CLHC1: variants seen among roughly 807,000 people sequenced by gnomAD.
CLHC1 encodes the protein clathrin heavy chain linker domain-containing protein 1.
Under a neutral mutation model 69.5 loss-of-function variants are expected in CLHC1, and 72 were observed. The ratio of observed to expected loss-of-function variants is 1.04; its 90% CI spans 0.86 to 1.26. The LOEUF is 1.26. CLHC1 is among the 50% of genes most tolerant of loss of function. The pLI, the probability that CLHC1 is intolerant of heterozygous loss-of-function variation, is 0.00. For missense variants in CLHC1, 790 were observed against 679.3 expected (o/e 1.16, Z -1.81); for synonymous variants, 223 against 224.3 (o/e 0.99, Z 0.05).
intron 9 of CLHC1, among the ~76,000 whole-genome samples, chr2:55,185,633 G>A (rs947864948): frequency 1.3e-5 from 2 of 152,120 alleles, no homozygotes; most frequent in African/African-American, 4.8e-5. Context: ...AATCAATTTT[G>A]TTGAATGAAG....
chr2:55,212,724 TTG>T lies in CLHC1; in HGVS notation c.446_447del (p.Thr149LysfsTer32). 6.3e-7 allele frequency: 1 copy of T among 1,597,776 alleles called. No homozygotes were observed. Among genetic ancestry groups the T allele is most frequent in the Non-Finnish European group, 8.6e-7 (1 of 1,165,216 alleles). ...GAGAAAGTACAATATTTTACTTCTT[TTG>T]TGTCATACTCTGCCCTACACTGCTT... The part of the protein sequence containing the change: ...HIKQCRAEYD[T>X]KEVKYCTFSK... On this transcript the variant is annotated frameshift_variant, in exon 5 of 13. Coordinates refer to ENST00000401408, the MANE Select transcript of CLHC1 (RefSeq NM_152385.4). LOFTEE classifies it high-confidence loss of function.
chr2:55,187,193 C>T (rs996185990), intron 9 of CLHC1, among the ~76,000 whole-genome samples: 4 of 151,944 alleles, frequency 2.6e-5, no homozygotes, highest in Middle Eastern at 6.8e-3. Flanking sequence ...GCAGGAGAAT[C>T]GCTTGAACCC....
Position 55,212,743 on chromosome 2 carries a change from A to G in CLHC1, c.429T>C (p.Cys143=), listed in dbSNP as rs1558500770. 1.3e-6 allele frequency: 2 copies of G among 1,596,134 alleles called. No homozygotes were observed. Among genetic ancestry groups the G allele is most frequent in the East Asian group, 4.5e-5 (2 of 44,744 alleles). The change falls in exon 5 of 13, where the codon TGT becomes TGC. Residue 143 remains cysteine (C), a synonymous_variant. Coordinates refer to ENST00000401408, the MANE Select transcript of CLHC1 (RefSeq NM_152385.4). ...CTTCTTTTGTGTCATACTCTGCCCTACACTGCTTGATGTGATCTATTTGAG... is the reference window on the plus strand; with the variant it reads ...CTTCTTTTGTGTCATACTCTGCCCTGCACTGCTTGATGTGATCTATTTGAG... The part of the protein sequence containing the change: ...IQSQIDHIKQ[C]RAEYDTKEVK...
At chr2:55,208,963 C>T (rs1296608284) in intron 7 of CLHC1, among the ~76,000 whole-genome samples, 18 of 149,738 alleles carry the variant, frequency 1.2e-4, no homozygotes, top group East Asian at 6.0e-4. Context: ...CTCCGCCTCC[C>T]GGGTTCACAC....
At position 55,210,990 on chromosome 2, in the gene CLHC1, A is replaced by T. The variant is rs377425804; in HGVS notation, c.500-1159T>A. Among the ~76,000 whole-genome samples the T allele has an allele frequency of 1.2e-3, 177 of 152,196 alleles. 2 individuals are homozygous for T. In the Middle Eastern group the frequency reaches 0.017, roughly 15 times the overall value. ...ATTACAGGCATGAGCCACTGTGCCCAGCCCTAAATAATCCTCCTTTCTCAT... is the reference window on the plus strand; with the variant it reads ...ATTACAGGCATGAGCCACTGTGCCCTGCCCTAAATAATCCTCCTTTCTCAT... On this transcript the variant is annotated intron_variant, in intron 5 of 12. Coordinates refer to ENST00000401408, the MANE Select transcript of CLHC1 (RefSeq NM_152385.4).
chr2:55,185,925 A>G (rs991626032), intron 9 of CLHC1, among the ~76,000 whole-genome samples: 1 of 152,224 alleles, frequency 6.6e-6, no homozygotes, highest in Non-Finnish European at 1.5e-5. Context: ...ACTAGGTTTT[A>G]TACAAACTTT....
At chr2:55,198,462 G>A (rs889207724) in intron 9 of CLHC1, among the ~76,000 whole-genome samples, 2 of 152,106 alleles carry the variant, frequency 1.3e-5, no homozygotes, top group Non-Finnish European at 2.9e-5. Context: ...TGGCACACCT[G>A]TAGTTTCAGC....
chr2:55,214,899 C>A (rs1186784895), intron 4 of CLHC1: 1 of 152,154 alleles, frequency 6.6e-6, no homozygotes, highest in East Asian at 1.9e-4. Context: ...TAATACATTA[C>A]CACATGGACG....
chr2:55,215,843 T>G (rs546918759), intron 4 of CLHC1: 2 of 152,224 alleles, frequency 1.3e-5, no homozygotes, highest in East Asian at 3.8e-4. Flanking sequence ...TTTGACTTTC[T>G]GATGCTTTTC....
chr2:55,213,904 C>A (rs1209795973), intron 4 of CLHC1, among the ~76,000 whole-genome samples: 1 of 151,976 alleles, frequency 6.6e-6, no homozygotes, highest in Non-Finnish European at 1.5e-5. Flanking sequence ...CAGTGGATGA[C>A]AAATTACTAA....
intron 9 of CLHC1, among the ~76,000 whole-genome samples, chr2:55,201,469 G>T (rs558440190): frequency 3.1e-4 from 47 of 152,214 alleles, no homozygotes; most frequent in Non-Finnish European, 5.9e-4. Flanking sequence ...ATTGAACCAT[G>T]AAGAAATCCA....
intron 9 of CLHC1, among the ~76,000 whole-genome samples, chr2:55,197,679 C>CA (rs1269013607): frequency 6.6e-5 from 10 of 152,098 alleles, no homozygotes; most frequent in African/African-American, 2.4e-4. Flanking sequence ...AAATTTAGAT[C>CA]ACAACACCCA....
intron 9 of CLHC1, among the ~76,000 whole-genome samples, chr2:55,187,719 A>C (rs1670552466): frequency 6.6e-6 from 1 of 152,132 alleles, no homozygotes; most frequent in African/African-American, 2.4e-5. Flanking sequence ...AAACGATGAT[A>C]TTTTCAGAGG....
chr2:55,217,731 C>T, intron 4 of CLHC1, 80 bp downstream of exon 4: 3 of 829,384 alleles, frequency 3.6e-6, no homozygotes, highest in African/African-American at 1.8e-5. Context: ...GACTAAGAAC[C>T]ACCAGCTAGA....
intron 9 of CLHC1, among the ~76,000 whole-genome samples, chr2:55,202,702 G>C (rs909979926): frequency 6.6e-6 from 1 of 151,930 alleles, no homozygotes; most frequent in African/African-American, 2.4e-5. Context: ...TTCAAGACCA[G>C]ACTGGCCAAC....
intron 2 of CLHC1, among the ~76,000 whole-genome samples, chr2:55,223,039 C>T (rs930561362): frequency 1.3e-5 from 2 of 151,918 alleles, no homozygotes; most frequent in Non-Finnish European, 2.9e-5. Flanking sequence ...ATGCACAACT[C>T]CTCTCACATG....
chr2:55,225,206 G>A (rs1348723183), intron 2 of CLHC1: 3 of 152,680 alleles, frequency 2.0e-5, no homozygotes, highest in Non-Finnish European at 4.4e-5. Flanking sequence ...GGTCCGTGTG[G>A]GGGAAGACGC....
intron 11 of CLHC1, among the ~76,000 whole-genome samples, chr2:55,178,565 C>G (rs1399730950): frequency 6.6e-6 from 1 of 152,150 alleles, no homozygotes; most frequent in Non-Finnish European, 1.5e-5. Context: ...TGATTGTGTA[C>G]TGTATCCTCA....
intron 9 of CLHC1, among the ~76,000 whole-genome samples, chr2:55,195,459 C>T (rs904071723): frequency 6.6e-6 from 1 of 152,184 alleles, no homozygotes; most frequent in African/African-American, 2.4e-5. Flanking sequence ...AGCAAGATGA[C>T]TGAATAGAAG....
Sources: gnomAD v4.1 joint callset for allele counts (sites outside exome capture counted in the v4.1 genomes callset) on GRCh38, gnomAD v4.1.1 for gene constraint, MANE v1.5 for transcripts, NCBI Gene and HGNC (gene_info 2026-07-23, HGNC 2026-07-21) for gene names.